Variants in CDH4 observed in about 807,000 individuals in gnomAD.
CDH4 encodes the protein cadherin 4.
A neutral mutation model predicts 86.0 loss-of-function variants in CDH4; 33 were observed. That is an observed-to-expected ratio of 0.38 (90% CI 0.29 to 0.51). The LOEUF (loss-of-function observed/expected upper bound fraction) is 0.51. CDH4 is among the 20% of genes least tolerant of loss of function. CDH4 has a pLI of 0.86. For synonymous variants in CDH4, 555 were observed against 549.4 expected (o/e 1.01, Z -0.14); for missense variants, 1,114 against 1,307.4 (o/e 0.85, Z 2.28).
intron 6 of CDH4, among the ~76,000 whole-genome samples, chr20:61,861,815 A>G (rs1426333532): frequency 1.3e-5 from 2 of 152,202 alleles, no homozygotes; most frequent in East Asian, 3.9e-4. Flanking sequence ...AAGAAGTCCC[A>G]GGTGGCTGTG....
chr20:61,697,903 GT>G (rs1261333879), intron 2 of CDH4, among the ~76,000 whole-genome samples: 1 of 152,224 alleles, frequency 6.6e-6, no homozygotes, highest in East Asian at 1.9e-4. Context: ...CCTCCCATCT[GT>G]TTCTTCTCTT....
rs1170048110 is a variant in CDH4 at position 61,672,286 on chromosome 20, AGTGGATGGATGGGTGT to A, written c.170-71267_170-71252del. ...GGGTGGATAAACAGATGAACGGGTG[AGTGGATGGATGGGTGT>A]GTGGATGGACAGAATATTCCTCCAA... On this transcript the variant is annotated intron_variant, in intron 2 of 15. Transcript: ENST00000614565. 3.3e-5 allele frequency among the ~76,000 whole-genome samples: 5 copies of A among 151,492 alleles called. No individual in the cohort carries two copies. The South Asian group carries it at 8.4e-4, about 25-fold the overall frequency.
intron 3 of CDH4, among the ~76,000 whole-genome samples, chr20:61,757,637 C>T (rs188699184): frequency 6.6e-6 from 1 of 152,356 alleles, no homozygotes; most frequent in African/African-American, 2.4e-5. Flanking sequence ...TCAGTGCAGA[C>T]ACTGCCAGGG....
intron 2 of CDH4, among the ~76,000 whole-genome samples, chr20:61,258,566 A>G (rs962113405): frequency 3.3e-5 from 5 of 152,124 alleles, no homozygotes; most frequent in Admixed American, 6.5e-5. Context: ...TCTTATTTCT[A>G]TTTATATCAT....
intron 2 of CDH4, chr20:61,599,894 AC>A (rs1379757465): frequency 1.0e-6 from 1 of 985,328 alleles, no homozygotes; most frequent in Non-Finnish European, 1.2e-6. Context: ...CCGTGCACTC[AC>A]AGCTTGGAAA....
chr20:61,761,738 A>G (rs920178276), intron 3 of CDH4, among the ~76,000 whole-genome samples: 3 of 152,192 alleles, frequency 2.0e-5, no homozygotes, highest in Non-Finnish European at 2.9e-5. Context: ...TAACGCGCAG[A>G]AGACGCCGTG....
At chr20:61,675,255 G>A (rs987390260) in intron 2 of CDH4, among the ~76,000 whole-genome samples, 3 of 151,218 alleles carry the variant, frequency 2.0e-5, no homozygotes, top group African/African-American at 4.9e-5. Flanking sequence ...AACCATCGTA[G>A]GGGCTGAGGC....
intron 2 of CDH4, among the ~76,000 whole-genome samples, chr20:61,304,349 A>G (rs1330250125): frequency 6.8e-6 from 1 of 146,376 alleles, no homozygotes; most frequent in Non-Finnish European, 1.5e-5. Flanking sequence ...TTGTTATTTT[A>G]CTTCATTCTG....
At chr20:61,744,036 C>T (rs374781128) in intron 3 of CDH4, among the ~76,000 whole-genome samples, 64 of 152,360 alleles carry the variant, frequency 4.2e-4, no homozygotes, top group African/African-American at 1.3e-3. Flanking sequence ...CACTATGCCA[C>T]GGTCTTGTCG....
rs898719732 is a variant in CDH4, at chr20:61,811,796, C to T, written c.577-32872C>T. Reference sequence around the variant, plus strand: ...AAGCAATTCTCCTGCCTCAGCCTCCCATGTAGCTGGTACTACAGGCACACG... The same window carrying T: ...AAGCAATTCTCCTGCCTCAGCCTCCTATGTAGCTGGTACTACAGGCACACG... On this transcript the variant is annotated intron_variant, in intron 4 of 15. Transcript: ENST00000614565. The surrounding 1 kb of genome is among the most constrained non-coding windows in gnomAD (Gnocchi z 4.4). Among the ~76,000 whole-genome samples the T allele has an allele frequency of 6.6e-6, 1 of 152,030 alleles. No individual in the cohort carries two copies. Among genetic ancestry groups the T allele is most frequent in the Admixed American group, 6.5e-5 (1 of 15,272 alleles).
At position 61,807,126 on chromosome 20, in the gene CDH4, C is replaced by G. The variant is rs774910559; in HGVS notation, c.576+33944C>G. ...CCCAGGGCCCCGCAGCCCCGCCAGCCCCCAGCTGCAAGGCCAGTGGGGCAG... is the reference window on the plus strand; with the variant it reads ...CCCAGGGCCCCGCAGCCCCGCCAGCGCCCAGCTGCAAGGCCAGTGGGGCAG... On this transcript the variant is annotated intron_variant, in intron 4 of 15. Coordinates refer to ENST00000614565, the MANE Select transcript of CDH4 (RefSeq NM_001794.5). This position sits in a 1 kb window ranked among gnomAD's most constrained non-coding sequence, Gnocchi z 4.5. Among the ~76,000 whole-genome samples the G allele has an allele frequency of 6.6e-6, 1 of 152,242 alleles. No homozygotes were observed. Among genetic ancestry groups the G allele is most frequent in the African/African-American group, 2.4e-5 (1 of 41,476 alleles).
At chr20:61,603,612 C>T (rs921752741) in intron 2 of CDH4, among the ~76,000 whole-genome samples, 14 of 152,156 alleles carry the variant, frequency 9.2e-5, no homozygotes, top group African/African-American at 3.1e-4. Flanking sequence ...GTCCCATTGT[C>T]CCCTTCACTC....
chr20:61,599,859 C>T, intron 2 of CDH4: 1 of 985,596 alleles, frequency 1.0e-6, no homozygotes, highest in South Asian at 4.7e-5. Flanking sequence ...CTTCGCCGCA[C>T]ACAACACAGG....
In CDH4 at chr20:61,516,172, G is replaced by A. The variant is rs2085818817; in HGVS notation, c.170-227391G>A. 6.6e-6 allele frequency among the ~76,000 whole-genome samples: 1 copy of A among 152,176 alleles called. No homozygotes were observed. Among genetic ancestry groups the A allele is most frequent in the African/African-American group, 2.4e-5 (1 of 41,442 alleles). On this transcript the variant is annotated intron_variant, in intron 2 of 15. Transcript: ENST00000614565. The surrounding 1 kb of genome is among the most constrained non-coding windows in gnomAD (Gnocchi z 4.0). ...CAGGCCCTTGGGCCGTGGGCCGGAG[G>A]GGACGCTGGCCACCTCTCTTACCCT...
At chr20:61,653,600 C>T (rs1238309709) in intron 2 of CDH4, among the ~76,000 whole-genome samples, 2 of 138,120 alleles carry the variant, frequency 1.4e-5, no homozygotes, top group African/African-American at 5.2e-5. Context: ...GGGTGGCTGC[C>T]GGGCAGAGAC....
chr20:61,624,860 C>T (rs1376012194), intron 2 of CDH4, among the ~76,000 whole-genome samples: 1 of 152,202 alleles, frequency 6.6e-6, no homozygotes, highest in Non-Finnish European at 1.5e-5. Flanking sequence ...GAGAGCCCCT[C>T]ACCGCCTGCC....
intron 2 of CDH4, among the ~76,000 whole-genome samples, chr20:61,351,096 G>A (rs533604341): frequency 7.9e-5 from 12 of 152,286 alleles, no homozygotes; most frequent in African/African-American, 2.6e-4. Flanking sequence ...CGGGCAGCCC[G>A]TGCTCAAGGC....
chr20:61,459,402 C>T (rs1438971007), intron 2 of CDH4, among the ~76,000 whole-genome samples: 4 of 151,640 alleles, frequency 2.6e-5, no homozygotes, highest in Admixed American at 2.6e-4. Flanking sequence ...CCCCGGGGTT[C>T]CCACCTGATC....
intron 2 of CDH4, among the ~76,000 whole-genome samples, chr20:61,508,730 T>C (rs2085759234): frequency 2.0e-5 from 3 of 152,228 alleles, no homozygotes; most frequent in Non-Finnish European, 4.4e-5. Context: ...TGGCTCAGCC[T>C]GGGTGGCCAC....
Sources: gnomAD v4.1 joint callset for allele counts (sites outside exome capture counted in the v4.1 genomes callset) on GRCh38, gnomAD v4.1.1 for gene constraint, Gnocchi (gnomAD v3.1) non-coding constraint, MANE v1.5 for transcripts, NCBI Gene and HGNC (gene_info 2026-07-23, HGNC 2026-07-21) for gene names.